Variants in RBPJ observed in about 807,000 individuals in gnomAD.
The protein encoded by RBPJ is recombining binding protein suppressor of hairless.
In RBPJ, 9 loss-of-function variants were observed where a neutral mutation model predicts 67.8. The ratio of observed to expected loss-of-function variants is 0.13; its 90% CI spans 0.08 to 0.23. The LOEUF (loss-of-function observed/expected upper bound fraction) is 0.23, where lower values mean the gene tolerates loss of function less well. Among genes scored for constraint, RBPJ ranks in the 10% least tolerant of loss-of-function variants. RBPJ has a pLI of 1.00. For synonymous variants in RBPJ, 198 were observed against 203.3 expected, an observed-to-expected ratio of 0.97 and a Z score of 0.22; for missense variants, 305 against 595.6, an observed-to-expected ratio of 0.51 and a Z score of 5.08.
At chr4:26,138,373 G>A in the RBPJ span, among the ~76,000 whole-genome samples, 18 of 147,308 alleles carry the variant, frequency 1.2e-4, no homozygotes, top group Admixed American at 2.0e-4. Context: ...TGGCACTAGA[G>A]AAAAAAAAAA....
At chr4:26,230,022 C>T (rs751936677) in intron 1 of RBPJ, among the ~76,000 whole-genome samples, 5 of 151,962 alleles carry the variant, frequency 3.3e-5, no homozygotes, top group Non-Finnish European at 5.9e-5. Context: ...AACTCCACCT[C>T]TGCAAAAAAA....
At chr4:26,409,591 C>T (rs1397355458) in intron 3 of RBPJ, among the ~76,000 whole-genome samples, 1 of 152,192 alleles carries the variant, frequency 6.6e-6, no homozygotes, top group Non-Finnish European at 1.5e-5. Flanking sequence ...CCTCTGCCTC[C>T]TGGGTTCAAA....
chr4:26,237,702 C>T (rs1719499001), intron 1 of RBPJ, among the ~76,000 whole-genome samples: 1 of 152,042 alleles, frequency 6.6e-6, no homozygotes, highest in African/African-American at 2.4e-5. Context: ...ATTTTTTGAC[C>T]CTCGGTCTCC....
At chr4:26,152,904 T>G in the RBPJ span, among the ~76,000 whole-genome samples, 1 of 152,140 alleles carries the variant, frequency 6.6e-6, no homozygotes, top group South Asian at 2.1e-4. Flanking sequence ...ACTCTGGGAG[T>G]GGGCAAAAGA....
At chr4:26,284,143 A>G (rs1361695552) in intron 1 of RBPJ, among the ~76,000 whole-genome samples, 1 of 152,222 alleles carries the variant, frequency 6.6e-6, no homozygotes, top group Non-Finnish European at 1.5e-5. Context: ...TTATTGTTAT[A>G]TGTTATACTG....
chr4:26,362,737 A>G, intron 1 of RBPJ: 3 of 864,688 alleles, frequency 3.5e-6, no homozygotes, highest in Non-Finnish European at 5.4e-6. Context: ...TAGTTATTAC[A>G]TATTTAAGTT....
intron 1 of RBPJ, among the ~76,000 whole-genome samples, chr4:26,322,491 T>C (rs1274374222): frequency 6.6e-6 from 1 of 152,194 alleles, no homozygotes; most frequent in African/African-American, 2.4e-5. Flanking sequence ...TTTACAGTTA[T>C]GTGCTTTTTG....
chr4:26,291,282 G>A (rs948280275), intron 1 of RBPJ, among the ~76,000 whole-genome samples: 2 of 150,932 alleles, frequency 1.3e-5, no homozygotes. Context: ...ACAGGATATT[G>A]TTCAGTATAA....
chr4:26,309,096 C>T (rs1480127453), intron 1 of RBPJ, among the ~76,000 whole-genome samples: 3 of 150,326 alleles, frequency 2.0e-5, no homozygotes, highest in East Asian at 2.0e-4. Context: ...TGCAGTGGCA[C>T]GATCATGGCT....
intron 1 of RBPJ, among the ~76,000 whole-genome samples, chr4:26,296,683 G>A (rs780876180): frequency 8.6e-5 from 13 of 151,914 alleles, no homozygotes; most frequent in Non-Finnish European, 1.3e-4. Context: ...CCTAATATAC[G>A]CTACATACTT....
At chr4:26,164,408 G>A (rs557208171) in intron 1 of RBPJ, among the ~76,000 whole-genome samples, 2 of 152,296 alleles carry the variant, frequency 1.3e-5, no homozygotes, top group East Asian at 3.9e-4. Context: ...CAATACAAGT[G>A]GTTTCTGAGC....
chr4:26,329,193 A>G (rs1450194877), intron 1 of RBPJ, among the ~76,000 whole-genome samples: 1 of 152,096 alleles, frequency 6.6e-6, no homozygotes, highest in East Asian at 1.9e-4. Context: ...GGGTTTCTCC[A>G]TGTTGGTGAG....
chr4:26,391,512 A>G (rs985288598), intron 2 of RBPJ, among the ~76,000 whole-genome samples: 1 of 152,238 alleles, frequency 6.6e-6, no homozygotes, highest in Non-Finnish European at 1.5e-5. Context: ...TATTAAAAAA[A>G]TAGCTCAATG....
intron 1 of RBPJ, among the ~76,000 whole-genome samples, chr4:26,341,633 C>CAA (rs35755502): frequency 6.9e-6 from 1 of 144,360 alleles, no homozygotes; most frequent in African/African-American, 2.6e-5. Context: ...CAAAACAAAA[C>CAA]AAAAAAAAAC....
At chr4:26,303,232 T>A (rs1164915567) in intron 1 of RBPJ, among the ~76,000 whole-genome samples, 4 of 138,542 alleles carry the variant, frequency 2.9e-5, no homozygotes, top group Non-Finnish European at 6.4e-5. Flanking sequence ...AATGAATAAA[T>A]ATATATATAT....
chr4:26,269,667 ATTCT>A, intron 1 of RBPJ, among the ~76,000 whole-genome samples: 1 of 152,132 alleles, frequency 6.6e-6, no homozygotes, highest in Non-Finnish European at 1.5e-5. Flanking sequence ...GTCTCAATTC[ATTCT>A]TACAGCCTCA....
chr4:26,337,816 A>T (rs758177479), intron 1 of RBPJ, among the ~76,000 whole-genome samples: 2 of 151,042 alleles, frequency 1.3e-5, no homozygotes, highest in Non-Finnish European at 2.9e-5. Flanking sequence ...CCTCCCCAGT[A>T]GCTGAGACCA....
At chr4:26,152,324 G>C in the RBPJ span, among the ~76,000 whole-genome samples, 6 of 152,160 alleles carry the variant, frequency 3.9e-5, no homozygotes, top group African/African-American at 1.4e-4. Flanking sequence ...CAATGTTCCA[G>C]GTACGCCCTG....
intron 1 of RBPJ, among the ~76,000 whole-genome samples, chr4:26,240,724 C>T (rs997216688): frequency 6.6e-6 from 1 of 152,150 alleles, no homozygotes; most frequent in East Asian, 1.9e-4. Flanking sequence ...TCATGTTTAT[C>T]CTGCTGATTT....
Sources: gnomAD v4.1 joint callset for allele counts (sites outside exome capture counted in the v4.1 genomes callset) on GRCh38, gnomAD v4.1.1 for gene constraint, MANE v1.5 for transcripts, NCBI Gene and HGNC (gene_info 2026-07-23, HGNC 2026-07-21) for gene names.